EPHA3: variants seen among roughly 807,000 people sequenced by gnomAD.
The protein encoded by EPHA3 is ephrin type-A receptor 3.
Under a neutral mutation model 107.1 loss-of-function variants are expected in EPHA3, and 42 were observed. That is an observed-to-expected ratio of 0.39 (90% confidence interval 0.31 to 0.51). EPHA3 has a LOEUF of 0.51. Ranked by LOEUF, EPHA3 falls within the 20% of genes least tolerant of loss-of-function variation. The probability of loss-of-function intolerance (pLI) is 0.78; values close to 1 mark genes in which losing one functional copy is unlikely to be tolerated. For synonymous variants in EPHA3, 461 were observed against 424.8 expected (o/e 1.09, Z -1.05); for missense variants, 1,183 against 1,211.2 (o/e 0.98, Z 0.35).
At chr3:89,280,824 C>G (rs2107314069) in intron 3 of EPHA3, among the ~76,000 whole-genome samples, 1 of 151,816 alleles carries the variant, frequency 6.6e-6, no homozygotes, top group African/African-American at 2.4e-5. Context: ...AGTTATTTTC[C>G]AAGAATTTGA....
chr3:89,250,691 G>T (rs1237699364), intron 3 of EPHA3, among the ~76,000 whole-genome samples: 1 of 152,030 alleles, frequency 6.6e-6, no homozygotes, highest in Non-Finnish European at 1.5e-5. Context: ...TCCTTAAAAG[G>T]CTCAAACTTA....
chr3:89,377,326 C>A (rs1708421573), intron 5 of EPHA3, among the ~76,000 whole-genome samples: 1 of 152,068 alleles, frequency 6.6e-6, no homozygotes. Context: ...CATATGTACC[C>A]ATTTGCAAAC....
chr3:89,269,173 T>C (rs1705605078), intron 3 of EPHA3, among the ~76,000 whole-genome samples: 2 of 152,100 alleles, frequency 1.3e-5, no homozygotes, highest in Admixed American at 6.6e-5. Flanking sequence ...TTACGTGGGG[T>C]AAACTATTGA....
intron 3 of EPHA3, among the ~76,000 whole-genome samples, chr3:89,284,004 C>G (rs1011235682): frequency 1.3e-5 from 2 of 151,976 alleles, no homozygotes; most frequent in East Asian, 3.9e-4. Flanking sequence ...GTTTAAATTC[C>G]TACTGCCACA....
intron 3 of EPHA3, among the ~76,000 whole-genome samples, chr3:89,306,705 G>A (rs974997173): frequency 2.0e-5 from 3 of 152,124 alleles, no homozygotes. Flanking sequence ...TCCATTCATA[G>A]CAAATTGTGA....
chr3:89,141,996 T>C (rs548187471), intron 2 of EPHA3, among the ~76,000 whole-genome samples: 3 of 151,492 alleles, frequency 2.0e-5, no homozygotes, highest in Non-Finnish European at 4.4e-5. Context: ...GCAGAGTCAA[T>C]TATGGGTATT....
intron 12 of EPHA3, 27 bp from the exon 13 acceptor site, chr3:89,431,123 T>C (rs759380801): frequency 1.2e-6 from 2 of 1,607,610 alleles, no homozygotes; most frequent in Non-Finnish European, 1.7e-6. Context: ...GAACGTATCT[T>C]AATTGTACAT....
chr3:89,363,930 C>G (rs773061901), intron 5 of EPHA3, among the ~76,000 whole-genome samples: 3 of 150,602 alleles, frequency 2.0e-5, no homozygotes, highest in Non-Finnish European at 4.5e-5. Context: ...ATTCCTATCT[C>G]AAATATATTC....
At chr3:89,142,066 T>A (rs1704443986) in intron 2 of EPHA3, among the ~76,000 whole-genome samples, 1 of 151,404 alleles carries the variant, frequency 6.6e-6, no homozygotes, top group Non-Finnish European at 1.5e-5. Flanking sequence ...ATTAATTTTA[T>A]ATTGTATGCT....
intron 2 of EPHA3, among the ~76,000 whole-genome samples, chr3:89,208,745 C>T (rs143297567): frequency 5.3e-5 from 8 of 152,124 alleles, no homozygotes; most frequent in Middle Eastern, 3.4e-3. Context: ...TTACTTATCT[C>T]GATTCAAACA....
At chr3:89,325,078 A>C (rs1707135829) in intron 3 of EPHA3, among the ~76,000 whole-genome samples, 2 of 152,130 alleles carry the variant, frequency 1.3e-5, no homozygotes, top group Non-Finnish European at 2.9e-5. Flanking sequence ...TATATGTACT[A>C]TATTTTATTT....
chr3:89,233,426 C>A (rs1704683599), intron 3 of EPHA3, among the ~76,000 whole-genome samples: 1 of 152,140 alleles, frequency 6.6e-6, no homozygotes, highest in Non-Finnish European at 1.5e-5. Context: ...AAGGCATGAG[C>A]AGCGGGGCTT....
At chr3:89,134,868 A>G (rs906345459) in intron 2 of EPHA3, among the ~76,000 whole-genome samples, 5 of 152,170 alleles carry the variant, frequency 3.3e-5, no homozygotes, top group African/African-American at 1.2e-4. Flanking sequence ...CTTTTTGTCT[A>G]ACATCATTTC....
intron 5 of EPHA3, among the ~76,000 whole-genome samples, chr3:89,365,175 T>C (rs1244009249): frequency 6.6e-6 from 1 of 150,740 alleles, no homozygotes; most frequent in Non-Finnish European, 1.5e-5. Context: ...AGAGGTGGGG[T>C]TTGAGGTGGA....
chr3:89,308,865 G>C (rs1372073602), intron 3 of EPHA3, among the ~76,000 whole-genome samples: 4 of 152,066 alleles, frequency 2.6e-5, no homozygotes, highest in African/African-American at 7.2e-5. Flanking sequence ...ATATAAAATG[G>C]ATTAGATGAC....
intron 11 of EPHA3, among the ~76,000 whole-genome samples, chr3:89,422,690 GA>G (rs1243389295): frequency 4.0e-5 from 6 of 151,338 alleles, no homozygotes; most frequent in Non-Finnish European, 5.9e-5. Context: ...TGGGTGTATA[GA>G]AAAAAATTCT....
rs1271431798 is a variant in EPHA3, at chr3:89,399,345, C to G, written c.1459C>G (p.Leu487Val). 6.2e-7 allele frequency: 1 copy of G among 1,612,630 alleles called. No homozygotes were observed. Among genetic ancestry groups the G allele is most frequent in the South Asian group, 1.1e-5 (1 of 90,936 alleles). ...GGAACAAGAAACAAGTTATACCATTCTGAGGGCAAGAGGCACAAATGTTAC... is the reference window on the plus strand; with the variant it reads ...GGAACAAGAAACAAGTTATACCATTGTGAGGGCAAGAGGCACAAATGTTAC... ...KQEQETSYTI[L>V]RARGTNVTIS... The change falls in exon 7 of 17, where the codon CTG (leucine) becomes GTG (valine). Residue 487 changes from leucine to valine, a missense_variant. Physicochemically the swap from Leu to Val is conservative, Grantham distance 32 (BLOSUM62 1). Transcript: ENST00000336596.
At chr3:89,129,747 A>G (rs1216052333) in intron 2 of EPHA3, among the ~76,000 whole-genome samples, 1 of 152,034 alleles carries the variant, frequency 6.6e-6, no homozygotes, top group Non-Finnish European at 1.5e-5. Context: ...CTCATTTTTA[A>G]TATGACAAGG....
intron 2 of EPHA3, among the ~76,000 whole-genome samples, chr3:89,162,880 T>C (rs1051456010): frequency 1.3e-5 from 2 of 152,188 alleles, no homozygotes; most frequent in African/African-American, 4.8e-5. Context: ...CTGAAAGGGT[T>C]GAAAGCTGCA....
Sources: gnomAD v4.1 joint callset for allele counts (sites outside exome capture counted in the v4.1 genomes callset) on GRCh38, gnomAD v4.1.1 for gene constraint, MANE v1.5 for transcripts, NCBI Gene and HGNC (gene_info 2026-07-23, HGNC 2026-07-21) for gene names.